Variants in CTPS2 observed in about 807,000 individuals in gnomAD.
CTPS2 encodes CTP synthase II.
Under a neutral mutation model 46.8 loss-of-function variants are expected in CTPS2, and 19 were observed. The ratio of observed to expected loss-of-function variants is 0.41; its 90% CI spans 0.28 to 0.60. The LOEUF is 0.60. Among genes scored for constraint, CTPS2 ranks in the 20% least tolerant of loss-of-function variants. The pLI, the probability that CTPS2 is intolerant of heterozygous loss-of-function variation, is 0.35. For synonymous variants in CTPS2, 151 were observed against 165.2 expected (o/e 0.91, Z 0.66); for missense variants, 286 against 447.6 (o/e 0.64, Z 3.26).
intron 13 of CTPS2, among the ~76,000 whole-genome samples, chrX:16,667,039 A>G (rs764018177): frequency 9.0e-5 from 10 of 111,257 alleles, no homozygotes; most frequent in Non-Finnish European, 1.7e-4. Context: ...ATAGCTGAGA[A>G]GATGGACTAT....
intron 14 of CTPS2, among the ~76,000 whole-genome samples, chrX:16,622,565 A>G (rs1156827654): frequency 9.0e-6 from 1 of 111,541 alleles, no homozygotes; most frequent in Non-Finnish European, 1.9e-5. Context: ...TCATTACAAT[A>G]GGTGATTTGT....
chrX:16,683,624 G>T (rs1173329770), intron 8 of CTPS2, among the ~76,000 whole-genome samples: 1 of 111,220 alleles, frequency 9.0e-6, no homozygotes. Context: ...AAATCCCAAC[G>T]TTGTTTTACA....
At chrX:16,670,704 T>C in intron 10 of CTPS2, 30 bp from the exon 11 acceptor site, 2 of 1,054,283 alleles carry the variant, frequency 1.9e-6, no homozygotes, top group Non-Finnish European at 2.6e-6. Flanking sequence ...AGGGTAAACT[T>C]GACTATCCAT....
chrX:16,689,747 A>G (rs1923538160), intron 7 of CTPS2, 146 bp from the exon 8 acceptor site: 1 of 468,234 alleles, frequency 2.1e-6, no homozygotes, highest in Admixed American at 4.3e-5. Context: ...CAGCAACCAA[A>G]GCTAGCATCA....
At chrX:16,613,173 G>A (rs1930347015) in intron 16 of CTPS2, among the ~76,000 whole-genome samples, 1 of 112,305 alleles carries the variant, frequency 8.9e-6, no homozygotes, top group Admixed American at 9.4e-5. Flanking sequence ...AAGACGCACA[G>A]GCAATCCAAT....
chrX:16,630,137 G>T (rs1329612411), intron 14 of CTPS2, among the ~76,000 whole-genome samples: 1 of 110,489 alleles, frequency 9.1e-6, no homozygotes, highest in African/African-American at 3.3e-5. Flanking sequence ...CATGTCATCT[G>T]CTCTGAGGAT....
At chrX:16,664,067 A>C (rs1315241094) in intron 13 of CTPS2, among the ~76,000 whole-genome samples, 2 of 111,464 alleles carry the variant, frequency 1.8e-5, no homozygotes, top group African/African-American at 6.5e-5. Flanking sequence ...TGATCTCCTG[A>C]CCTTGTGATC....
At position 16,589,699 on chromosome X, in the gene CTPS2, G is replaced by A. The variant is rs373693699; in HGVS notation, c.*118C>T. The A allele has an allele frequency of 8.9e-6, 1 of 112,295 alleles. No homozygotes were observed. The highest frequency in any genetic ancestry group is 2.8e-4 in the East Asian group (1 of 3,607). 9.3% of individuals were successfully genotyped at this position (112,295 alleles called of 1,213,427 possible). On this transcript the variant is annotated 3_prime_UTR_variant, in exon 19 of 19. Coordinates refer to ENST00000359276, the MANE Select transcript of CTPS2 (RefSeq NM_175859.3). ...GAGGCTTTACATCCCATGTTTGCTG[G>A]AGAACAGAGGGATTCTCTAAGAGTG...
At chrX:16,688,437 C>CT (rs755771869) in intron 8 of CTPS2, among the ~76,000 whole-genome samples, 13,849 of 96,821 alleles carry the variant, frequency 0.14, 1,824 homozygotes, top group African/African-American at 0.39. Context: ...CTTAATTTCC[C>CT]TTTTTTTTTT....
intron 10 of CTPS2, among the ~76,000 whole-genome samples, chrX:16,671,117 G>A (rs1921708539): frequency 8.9e-6 from 1 of 111,818 alleles, no homozygotes; most frequent in South Asian, 3.7e-4. Context: ...AAAATTTCTT[G>A]GCTAGAAGAC....
At chrX:16,622,658 G>A (rs1930906309) in intron 14 of CTPS2, among the ~76,000 whole-genome samples, 1 of 111,310 alleles carries the variant, frequency 9.0e-6, no homozygotes, top group African/African-American at 3.3e-5. Flanking sequence ...ATAAGGAATC[G>A]TATCTTCGAG....
Position 16,692,829 on chromosome X carries a change from G to A in CTPS2, c.639+312C>T, listed in dbSNP as rs769341166. Among the ~76,000 whole-genome samples, 15 of 110,395 alleles carry A rather than the reference G, an allele frequency of 1.4e-4. No homozygotes were observed. The South Asian group carries it at 1.9e-3, about 14-fold the overall frequency. ...CCCAAGCACTTTGGGAGGCTGAGGC[G>A]GGCGGATCACCTGAGGTCAGGAATT... is the stretch of plus-strand genomic sequence containing the variant. On this transcript the variant is annotated intron_variant, in intron 6 of 18. Coordinates refer to ENST00000359276, the MANE Select transcript of CTPS2 (RefSeq NM_175859.3).
intron 10 of CTPS2, among the ~76,000 whole-genome samples, chrX:16,674,837 CAAAA>C (rs35273579): frequency 1.9e-5 from 1 of 53,282 alleles, no homozygotes; most frequent in Non-Finnish European, 3.9e-5. Context: ...GACTCCGTCT[CAAAA>C]AAAAAAAAAA....
chrX:16,673,127 C>T (rs1435727167), intron 10 of CTPS2, among the ~76,000 whole-genome samples: 1 of 109,084 alleles, frequency 9.2e-6, no homozygotes, highest in African/African-American at 3.3e-5. Context: ...ACCTCGTGAT[C>T]CGCCCGCCTC....
chrX:16,667,458 A>C, intron 13 of CTPS2, 56 bp downstream of exon 13: 4 of 1,150,943 alleles, frequency 3.5e-6, no homozygotes, highest in Non-Finnish European at 3.6e-6. Context: ...AATTTAGGCA[A>C]GAGCCAGGAC....
intron 17 of CTPS2, among the ~76,000 whole-genome samples, chrX:16,606,874 G>C (rs1415024507): frequency 1.8e-5 from 2 of 111,621 alleles, no homozygotes; most frequent in African/African-American, 6.5e-5. Flanking sequence ...CGCTCCTCCT[G>C]CCTCAGCCTC....
intron 10 of CTPS2, 39 bp downstream of exon 10, chrX:16,678,323 G>T (rs771600503): frequency 8.1e-6 from 7 of 868,212 alleles, no homozygotes; most frequent in African/African-American, 8.0e-5. Context: ...AAGTACAATG[G>T]TCCTATCCTA....
intron 17 of CTPS2, among the ~76,000 whole-genome samples, chrX:16,593,477 CTTTTTT>C (rs5901588): frequency 1.2e-5 from 1 of 85,211 alleles, no homozygotes; most frequent in African/African-American, 4.5e-5. Context: ...TGAAATTTTA[CTTTTTT>C]TTTTTTTTTT....
intron 14 of CTPS2, among the ~76,000 whole-genome samples, chrX:16,627,539 A>G (rs1189578794): frequency 1.8e-5 from 2 of 111,719 alleles, no homozygotes; most frequent in Non-Finnish European, 3.8e-5. Context: ...CACTTCTTTG[A>G]TGGGGCACAT....
Sources: allele counts gnomAD v4.1 joint callset (sites outside exome capture counted in the v4.1 genomes callset), GRCh38; gene constraint gnomAD v4.1.1; transcripts MANE v1.5; gene names NCBI Gene and HGNC (gene_info 2026-07-23, HGNC 2026-07-21).